The following RPRD1B variants were observed in gnomAD, a reference collection of about 807,000 sequenced individuals.
RPRD1B encodes the protein regulation of nuclear pre-mRNA domain-containing protein 1B.
RPRD1B carries 11 observed loss-of-function variants against 41.5 expected under a neutral mutation model. The ratio of observed to expected loss-of-function variants is 0.27; its 90% confidence interval spans 0.17 to 0.44. RPRD1B has a LOEUF of 0.44. Among genes scored for constraint, RPRD1B ranks in the 20% least tolerant of loss-of-function variants. The probability of loss-of-function intolerance (pLI) is 1.00; values close to 1 mark genes in which losing one functional copy is unlikely to be tolerated. For missense variants in RPRD1B, 248 were observed against 389.9 expected, an observed-to-expected ratio of 0.64 and a Z score of 3.06; for synonymous variants, 158 against 155.6, an observed-to-expected ratio of 1.02 and a Z score of -0.12.
chr20:38,089,700 G>T, intron 6 of RPRD1B, 26 bp from the exon 7 acceptor site: 1 of 1,599,462 alleles, frequency 6.3e-7, no homozygotes, highest in African/African-American at 1.3e-5. Context: ...AGACTTAACG[G>T]TATTGTCTTC....
chr20:38,056,480 T>A (rs764645660), intron 3 of RPRD1B, among the ~76,000 whole-genome samples: 7 of 152,258 alleles, frequency 4.6e-5, no homozygotes, highest in African/African-American at 7.2e-5. Flanking sequence ...ATGTATATAA[T>A]GTAGAGAACA....
chr20:38,045,312 G>T (rs533158425), intron 2 of RPRD1B, among the ~76,000 whole-genome samples: 35 of 152,246 alleles, frequency 2.3e-4, no homozygotes, highest in African/African-American at 8.4e-4. Flanking sequence ...TTCTCTTTCT[G>T]TTATAAAACG....
intron 5 of RPRD1B, among the ~76,000 whole-genome samples, chr20:38,063,038 C>A (rs1286968746): frequency 3.9e-5 from 6 of 152,012 alleles, no homozygotes; most frequent in Non-Finnish European, 8.8e-5. Flanking sequence ...TACCGCAAGA[C>A]TTTTACTATT....
intron 2 of RPRD1B, among the ~76,000 whole-genome samples, chr20:38,047,033 A>T (rs1568645731): frequency 6.6e-6 from 1 of 152,208 alleles, no homozygotes; most frequent in Non-Finnish European, 1.5e-5. Flanking sequence ...GAGAGATGAT[A>T]GTGCCTTGGG....
At chr20:38,055,073 A>C (rs1211338657) in intron 3 of RPRD1B, among the ~76,000 whole-genome samples, 1 of 152,266 alleles carries the variant, frequency 6.6e-6, no homozygotes, top group African/African-American at 2.4e-5. Flanking sequence ...CATGCAAAGC[A>C]ATCTTTATAA....
chr20:38,065,080 A>C (rs6022752), intron 5 of RPRD1B, among the ~76,000 whole-genome samples: 1 of 152,212 alleles, frequency 6.6e-6, no homozygotes, highest in Non-Finnish European at 1.5e-5. Flanking sequence ...GTGTATTTAC[A>C]TAAGTGTATT....
chr20:38,082,990 T>G (rs1463827647), intron 6 of RPRD1B, among the ~76,000 whole-genome samples: 2 of 152,188 alleles, frequency 1.3e-5, no homozygotes, highest in Non-Finnish European at 2.9e-5. Flanking sequence ...TCTGTTAGTT[T>G]GTCTTTTTCC....
At chr20:38,066,944 C>T (rs577787138) in intron 6 of RPRD1B, among the ~76,000 whole-genome samples, 7 of 152,236 alleles carry the variant, frequency 4.6e-5, no homozygotes, top group South Asian at 4.1e-4. Flanking sequence ...TGTGAGCCAC[C>T]GCGCCCAGCC....
At chr20:38,073,727 C>T (rs184094689) in intron 6 of RPRD1B, among the ~76,000 whole-genome samples, 3 of 152,242 alleles carry the variant, frequency 2.0e-5, no homozygotes, top group Middle Eastern at 3.4e-3. Context: ...TCTCAGTGTC[C>T]TATCATGGTA....
At chr20:38,089,686 G>A (rs189231693) in intron 6 of RPRD1B, 40 bp from the exon 7 acceptor site, 162 of 1,565,296 alleles carry the variant, frequency 1.0e-4, no homozygotes, top group East Asian at 2.0e-4. Context: ...CCCTCGGCAC[G>A]CACAGACTTA....
intron 4 of RPRD1B, among the ~76,000 whole-genome samples, chr20:38,058,702 A>G (rs564357169): frequency 1.3e-5 from 2 of 152,198 alleles, no homozygotes; most frequent in East Asian, 3.9e-4. Flanking sequence ...CAGTCAACAT[A>G]TAATTTTTTC....
intron 2 of RPRD1B, among the ~76,000 whole-genome samples, chr20:38,046,007 C>T (rs2074116938): frequency 6.6e-6 from 1 of 152,216 alleles, no homozygotes; most frequent in South Asian, 2.1e-4. Flanking sequence ...TCCGCACATT[C>T]CCCCATATAC....
chr20:38,059,661 A>C (rs2074277550), intron 5 of RPRD1B, 141 bp downstream of exon 5: 1 of 717,694 alleles, frequency 1.4e-6, no homozygotes, highest in Non-Finnish European at 2.2e-6. Flanking sequence ...GGATTTGCAA[A>C]CATAACTCAC....
intron 6 of RPRD1B, among the ~76,000 whole-genome samples, chr20:38,076,556 AT>A (rs1196479127): frequency 6.6e-6 from 1 of 152,106 alleles, no homozygotes; most frequent in East Asian, 1.9e-4. Context: ...AACTACCACC[AT>A]ATCCACTTCC....
chr20:38,049,344 TTTTCTTTTTTC>T (rs1203207965), intron 3 of RPRD1B, among the ~76,000 whole-genome samples: 139 of 151,146 alleles, frequency 9.2e-4, no homozygotes, highest in Non-Finnish European at 1.5e-3. Context: ...TTATATTATT[TTTTCTTTTTTC>T]TTTCTTTTTT....
chr20:38,065,963 G>T, intron 5 of RPRD1B, 118 bp from the exon 6 acceptor site: 1 of 964,936 alleles, frequency 1.0e-6, no homozygotes, highest in Non-Finnish European at 1.5e-6. Context: ...ACAGGTGCTG[G>T]CTTATTCTCA....
intron 5 of RPRD1B, among the ~76,000 whole-genome samples, chr20:38,062,977 G>C (rs1303045422): frequency 1.3e-5 from 2 of 151,836 alleles, no homozygotes; most frequent in African/African-American, 4.8e-5. Context: ...TGGGATTACA[G>C]ATGTGAGCCC....
intron 1 of RPRD1B, among the ~76,000 whole-genome samples, chr20:38,035,835 G>C (rs1057245809): frequency 1.3e-5 from 2 of 151,458 alleles, no homozygotes; most frequent in Non-Finnish European, 2.9e-5. Context: ...TGCGATCTCA[G>C]CTCACTGCAA....
rs760006567 is a variant in RPRD1B at position 38,034,000 on chromosome 20, A to G, written c.53A>G (p.Asn18Ser). 60 of 1,613,626 alleles carry G rather than the reference A, an allele frequency of 3.7e-5. No individual in the cohort carries two copies. Among genetic ancestry groups the G allele is most frequent in the Non-Finnish European group, 4.6e-5 (54 of 1,179,848 alleles). Residue 18 changes from asparagine (N) to serine (S), a missense_variant, in exon 1 of 7, where the codon AAC (asparagine) becomes AGC (serine). Around this residue, in one of 5 missense-constraint regions of RPRD1B, gnomAD observed 14 missense variants for 19.9 expected, o/e 0.70. Coordinates refer to ENST00000373433, the MANE Select transcript of RPRD1B (RefSeq NM_021215.4). ...ALEKKLSELSNSQQSVQTLSL... is the reference protein window; with the variant it reads ...ALEKKLSELSSSQQSVQTLSL... ...GAGAAGAAGCTCTCGGAGCTGAGCA[A>G]CTCTCAGCAGAGCGTGCAGACCCTG...
Sources: gnomAD v4.1 joint callset for allele counts (sites outside exome capture counted in the v4.1 genomes callset) on GRCh38, gnomAD v4.1.1 for gene constraint, gnomAD v4.1.1 regional missense constraint, MANE v1.5 for transcripts, NCBI Gene and HGNC (gene_info 2026-07-23, HGNC 2026-07-21) for gene names.